The following LMF1 variants were observed in gnomAD, a reference collection of about 807,000 sequenced individuals.
LMF1 encodes the protein transmembrane protein 112.
LMF1 carries 68 observed loss-of-function variants against 60.6 expected under a neutral mutation model. The ratio of observed to expected loss-of-function variants is 1.12; its 90% CI spans 0.92 to 1.37. The LOEUF (loss-of-function observed/expected upper bound fraction) is 1.37. Ranked by LOEUF, LMF1 falls within the 40% of genes most tolerant of loss-of-function variation. The pLI, the probability that LMF1 is intolerant of heterozygous loss-of-function variation, is 0.00. For missense variants in LMF1, 948 were observed against 767.2 expected (o/e 1.24, Z -2.78); for synonymous variants, 418 against 324.7 (o/e 1.29, Z -3.09).
chr16:873,601 TC>T (rs1343764910), intron 6 of LMF1: 110 of 39,184 alleles, frequency 2.8e-3, no homozygotes, highest in African/African-American at 0.01. Flanking sequence ...ACAGGGACCC[TC>T]CGCCGAGGAC....
chr16:929,237 G>A (rs951858985), intron 3 of LMF1, among the ~76,000 whole-genome samples: 6 of 152,210 alleles, frequency 3.9e-5, no homozygotes, highest in African/African-American at 9.6e-5. Context: ...CCAGAACAAC[G>A]GCTGTGGCCT....
intron 1 of LMF1, among the ~76,000 whole-genome samples, chr16:969,263 C>T (rs1051812836): frequency 6.6e-6 from 1 of 151,926 alleles, no homozygotes; most frequent in Non-Finnish European, 1.5e-5. Flanking sequence ...TGCAGTGGGC[C>T]GACATGGTGC....
rs939211188 is a variant in LMF1 at position 860,996 on chromosome 16, C to CTAT, written c.1530-6293_1530-6291dup. 6.2e-4 allele frequency among the ~76,000 whole-genome samples: 92 copies of CTAT among 149,544 alleles called. 4 individuals carry two copies. The highest frequency in any genetic ancestry group is 2.3e-3 in the African/African-American group (90 of 38,976). On this transcript the variant is annotated intron_variant, in intron 10 of 10. Transcript: ENST00000262301. ...AAAACTTGGGATGACTTGTCCTTAC[C>CTAT]TATTAACACATCTTGCTGGGTTTTT...
rs969174635 is a variant in LMF1 at position 897,522 on chromosome 16, G to T, written c.664-4450C>A. The stretch of plus-strand genomic sequence containing the variant: ...CCTGTAAACACAGGGAATTACTCGC[G>T]ACAGGTCCTGCCTCCGCAGGAGAGA... On this transcript the variant is annotated intron_variant, in intron 4 of 10. Transcript: ENST00000262301. The surrounding 1 kb of genome is among the most constrained non-coding windows in gnomAD (Gnocchi z 4.3). 1.3e-5 allele frequency among the ~76,000 whole-genome samples: 2 copies of T among 152,178 alleles called. No individual in the cohort carries two copies. The highest frequency in any genetic ancestry group is 6.5e-5 in the Admixed American group (1 of 15,280).
chr16:917,575 G>A (rs1487097343), intron 3 of LMF1, among the ~76,000 whole-genome samples: 1 of 152,244 alleles, frequency 6.6e-6, no homozygotes, highest in Non-Finnish European at 1.5e-5. Context: ...TGTGCTGCGG[G>A]CAGGTGCCGT....
chr16:890,068 A>G (rs2070434970), intron 5 of LMF1, among the ~76,000 whole-genome samples: 3 of 151,882 alleles, frequency 2.0e-5, no homozygotes, highest in Admixed American at 6.5e-5. Flanking sequence ...CCCTGTACCT[A>G]GGACCCCCCA....
intron 1 of LMF1, among the ~76,000 whole-genome samples, chr16:959,356 T>C (rs1160978452): frequency 3.3e-5 from 5 of 152,156 alleles, no homozygotes; most frequent in Admixed American, 3.3e-4. Flanking sequence ...TATGTCACAC[T>C]GGAAAAGGCA....
At chr16:861,871 G>A (rs2069477442) in intron 10 of LMF1, among the ~76,000 whole-genome samples, 1 of 152,310 alleles carries the variant, frequency 6.6e-6, no homozygotes, top group South Asian at 2.1e-4. Flanking sequence ...TCTGAATGGT[G>A]AAGGGTGATT....
At chr16:870,602 G>T in intron 8 of LMF1, 127 bp downstream of exon 8, 2 of 1,112,618 alleles carry the variant, frequency 1.8e-6, no homozygotes, top group Non-Finnish European at 2.6e-6. Context: ...CCTGGGTCAG[G>T]CTGGGGTGGG....
rs1567163703 is a variant in LMF1, at chr16:874,681, G to C, written c.898-3340C>G. On this transcript the variant is annotated intron_variant, in intron 6 of 10. Transcript: ENST00000262301. The surrounding 1 kb of genome is among the most constrained non-coding windows in gnomAD (Gnocchi z 4.1). ...ATCACGGGAACCAGGACAGGCTCCGGGGGACGGTGCTCAGATGGGAACACA... is the reference window on the plus strand; with the variant it reads ...ATCACGGGAACCAGGACAGGCTCCGCGGGACGGTGCTCAGATGGGAACACA... 6.6e-6 allele frequency among the ~76,000 whole-genome samples: 1 copy of C among 152,124 alleles called. No homozygotes were observed.
intron 4 of LMF1, among the ~76,000 whole-genome samples, chr16:909,337 A>T (rs1312034844): frequency 6.6e-6 from 1 of 152,118 alleles, no homozygotes; most frequent in East Asian, 1.9e-4. Context: ...ATGCCCAGAC[A>T]TGGACGTTAC....
Position 949,831 on chromosome 16 carries a change from A to G in LMF1, c.503+4526T>C, listed in dbSNP as rs1327305399. On this transcript the variant is annotated intron_variant, in intron 2 of 10. Coordinates refer to ENST00000262301, the MANE Select transcript of LMF1 (RefSeq NM_022773.4). ...TCAGCCAATGACAGAGTCAGAGACAACGACAGAGTTAGAGACAACGACAGA... is the reference window on the plus strand; with the variant it reads ...TCAGCCAATGACAGAGTCAGAGACAGCGACAGAGTTAGAGACAACGACAGA... Among the ~76,000 whole-genome samples, 10 of 112,016 alleles carry G rather than the reference A, an allele frequency of 8.9e-5. 1 individual carries two copies. Among genetic ancestry groups the G allele is most frequent in the Non-Finnish European group, 1.4e-4 (8 of 57,924 alleles). 73.5% of individuals were successfully genotyped at this position (112,016 alleles called of 152,430 possible). A position where few individuals can be genotyped will look rare whatever the true frequency, so the allele number is the denominator to read the frequency against.
chr16:978,781 C>A (rs574212276), intron 1 of LMF1, among the ~76,000 whole-genome samples: 35 of 152,170 alleles, frequency 2.3e-4, no homozygotes, highest in Middle Eastern at 3.4e-3. Context: ...GCAGCTCCCC[C>A]CTGGATGAAG....
intron 1 of LMF1, among the ~76,000 whole-genome samples, chr16:960,235 C>G (rs541416959): frequency 1.1e-4 from 17 of 152,382 alleles, no homozygotes; most frequent in South Asian, 2.1e-4. Context: ...GTGGTCAAAG[C>G]TGGAGGAGCT....
intron 2 of LMF1, among the ~76,000 whole-genome samples, chr16:942,886 C>T (rs2072141265): frequency 6.6e-6 from 1 of 152,344 alleles, no homozygotes; most frequent in Non-Finnish European, 1.5e-5. Flanking sequence ...CCACATGTCA[C>T]TGAAGCTCTG....
intron 3 of LMF1, among the ~76,000 whole-genome samples, chr16:930,615 C>T (rs1314840224): frequency 6.6e-6 from 1 of 152,250 alleles, no homozygotes; most frequent in Non-Finnish European, 1.5e-5. Context: ...AAGGAAGACA[C>T]TAGCGACGGG....
At chr16:869,262 C>G (rs532001392) in intron 9 of LMF1, 1 of 667,648 alleles carries the variant, frequency 1.5e-6, no homozygotes, top group East Asian at 2.7e-5. Context: ...CCATGTCGGC[C>G]GCTGGCTTCG....
chr16:940,098 G>T (rs1282424542), intron 2 of LMF1, among the ~76,000 whole-genome samples: 1 of 152,150 alleles, frequency 6.6e-6, no homozygotes, highest in Non-Finnish European at 1.5e-5. Context: ...CACAAGCCGG[G>T]GGTGCCCGGA....
intron 4 of LMF1, among the ~76,000 whole-genome samples, chr16:893,948 C>T (rs900562284): frequency 2.0e-5 from 3 of 152,054 alleles, no homozygotes; most frequent in Non-Finnish European, 4.4e-5. Context: ...TTCTGCTGCA[C>T]AACCACTCCC....
Sources: gnomAD v4.1 joint callset for allele counts (sites outside exome capture counted in the v4.1 genomes callset) on GRCh38, gnomAD v4.1.1 for gene constraint, Gnocchi (gnomAD v3.1) non-coding constraint, MANE v1.5 for transcripts, NCBI Gene and HGNC (gene_info 2026-07-23, HGNC 2026-07-21) for gene names.